Variants in CUBN observed in about 807,000 individuals in gnomAD.
CUBN encodes the protein cubilin, also known as 460 kDa receptor.
In CUBN, 282 loss-of-function variants were observed where a neutral mutation model predicts 405.3. The ratio of observed to expected loss-of-function variants is 0.70; its 90% CI spans 0.63 to 0.77. CUBN has a LOEUF of 0.77. CUBN is among the 30% of genes least tolerant of loss of function. The pLI is 0.00. For synonymous variants in CUBN, 1,684 were observed against 1,617.0 expected (o/e 1.04, Z -0.99); for missense variants, 4,514 against 4,475.2 (o/e 1.01, Z -0.25).
intron 22 of CUBN, among the ~76,000 whole-genome samples, chr10:17,050,561 T>C (rs1432665106): frequency 6.6e-6 from 1 of 152,198 alleles, no homozygotes; most frequent in Non-Finnish European, 1.5e-5. Flanking sequence ...AAGCCTGGGC[T>C]GAGAATACAT....
intron 59 of CUBN, 63 bp downstream of exon 59, chr10:16,869,573 A>T: frequency 9.1e-7 from 1 of 1,104,318 alleles, no homozygotes; most frequent in Non-Finnish European, 1.4e-6. Flanking sequence ...GGGGGCGGGG[A>T]AATTAAATAA....
intron 13 of CUBN, among the ~76,000 whole-genome samples, chr10:17,102,553 C>G (rs926060836): frequency 1.4e-5 from 2 of 147,942 alleles, no homozygotes; most frequent in African/African-American, 5.0e-5. Flanking sequence ...TCATAAAGTA[C>G]TAGGATCACA....
At chr10:17,041,420 A>G (rs1835016918) in intron 26 of CUBN, among the ~76,000 whole-genome samples, 200 bp from the exon 27 acceptor site, 1 of 152,108 alleles carries the variant, frequency 6.6e-6, no homozygotes, top group African/African-American at 2.4e-5. Flanking sequence ...TTTCATAGTG[A>G]AAGGATTTCC....
At chr10:16,946,705 G>A (rs185646024) in intron 36 of CUBN, among the ~76,000 whole-genome samples, 6 of 151,870 alleles carry the variant, frequency 4.0e-5, no homozygotes, top group South Asian at 4.2e-4. Context: ...CATGTTGGCC[G>A]GGCTGGTCTC....
intron 17 of CUBN, among the ~76,000 whole-genome samples, chr10:17,078,846 A>C (rs934059343): frequency 1.1e-4 from 16 of 152,062 alleles, no homozygotes; most frequent in Non-Finnish European, 2.1e-4. Flanking sequence ...CCTCTATTTG[A>C]CCTAGGAATT....
Position 16,915,893 on chromosome 10 carries a change from C to T in CUBN, c.7138G>A (p.Glu2380Lys). 1 of 1,614,118 alleles carries T rather than the reference C, an allele frequency of 6.2e-7. No individual in the cohort carries two copies. The highest frequency in any genetic ancestry group is 8.5e-7 in the Non-Finnish European group (1 of 1,180,008). The change falls in exon 46 of 67, where the codon GAA (glutamate) becomes AAA (lysine). Residue 2380 changes from glutamate (E) to lysine (K), a missense_variant. By Grantham distance (56) the Glu-to-Lys change is moderately conservative. Coordinates refer to ENST00000377833, the MANE Select transcript of CUBN (RefSeq NM_001081.4). Reference sequence around the variant, plus strand: ...GAAGAATTCTGAAGGTTAAAGTCTTCAAAAGAGATGGTGAGATAGTGTCCA... The same window carrying T: ...GAAGAATTCTGAAGGTTAAAGTCTTTAAAAGAGATGGTGAGATAGTGTCCA... ...LSGHYLTISFEDFNLQNSSGC... is the reference protein window; with the variant it reads ...LSGHYLTISFKDFNLQNSSGC...
chr10:16,868,242 G>C (rs1238575177), intron 59 of CUBN, among the ~76,000 whole-genome samples: 2 of 152,176 alleles, frequency 1.3e-5, no homozygotes, highest in Admixed American at 6.5e-5. Context: ...CTTGAGGTGT[G>C]TGGTTTACCG....
At chr10:16,939,172 A>T (rs1842592854) in intron 37 of CUBN, 25 bp from the exon 38 acceptor site, 1 of 1,569,070 alleles carries the variant, frequency 6.4e-7, no homozygotes, top group Non-Finnish European at 8.8e-7. Context: ...AGAGTAGTAA[A>T]TCAGACCCAC....
intron 58 of CUBN, 73 bp downstream of exon 58, chr10:16,874,301 T>G (rs946431687): frequency 3.7e-5 from 54 of 1,465,966 alleles, no homozygotes; most frequent in Non-Finnish European, 5.1e-5. Flanking sequence ...GTGCCCTCCA[T>G]CAATAAACGA....
chr10:17,093,720 T>C (rs1836314681), intron 14 of CUBN, among the ~76,000 whole-genome samples: 1 of 151,562 alleles, frequency 6.6e-6, no homozygotes. Context: ...ACAGGCAATC[T>C]CAGCAAAGCC....
intron 33 of CUBN, among the ~76,000 whole-genome samples, chr10:16,950,464 A>G (rs1842897823): frequency 6.6e-6 from 1 of 152,180 alleles, no homozygotes; most frequent in Non-Finnish European, 1.5e-5. Context: ...TTAACAATAA[A>G]ATTTTTTTAC....
Position 16,984,165 on chromosome 10 carries a change from TGAATC to T in CUBN, c.4460_4464del (p.Arg1487GlnfsTer43), listed in dbSNP as rs770921101. ...CTCCCATTTATGGACAAGTCGGTCT[TGAATC>T]GAATTGCTAGCTCATTTCCAGTGCT... On this transcript the variant is annotated frameshift_variant, in exon 30 of 67. Coordinates refer to ENST00000377833, the MANE Select transcript of CUBN (RefSeq NM_001081.4). LOFTEE classifies it high-confidence loss of function. 32 of 1,614,078 alleles carry T rather than the reference TGAATC, an allele frequency of 2.0e-5. No homozygotes were observed. Among genetic ancestry groups the T allele is most frequent in the Non-Finnish European group, 1.7e-5 (20 of 1,180,058 alleles).
rs550619948 is a variant in CUBN, at chr10:16,954,505, G to T, written c.4739C>A (p.Thr1580Lys). 1.9e-6 allele frequency: 3 copies of T among 1,613,762 alleles called. No individual in the cohort carries two copies. Among genetic ancestry groups the T allele is most frequent in the East Asian group, 4.5e-5 (2 of 44,860 alleles). Residue 1580 changes from threonine to lysine, a missense_variant, in exon 32 of 67, where the codon ACG becomes AAG. By Grantham distance (78) the Thr-to-Lys change is moderately conservative. Around this residue, in one of 5 missense-constraint regions of CUBN, gnomAD observed 1,613 missense variants for 1,542.8 expected, o/e 1.05. Transcript: ENST00000377833. The part of the protein sequence containing the change: ...LSSTMSRLAR[T>K]CGREQLANPI... ...GTTAGCCAGCTGCTCCCTTCCACACGTCCTGGCAAGGCGGGACATTGTGGA... is the reference window on the plus strand; with the variant it reads ...GTTAGCCAGCTGCTCCCTTCCACACTTCCTGGCAAGGCGGGACATTGTGGA...
Position 16,925,378 on chromosome 10 carries a change from C to T in CUBN, c.6509G>A (p.Gly2170Glu), listed in dbSNP as rs1256663893. 1.1e-5 allele frequency: 17 copies of T among 1,613,772 alleles called. No homozygotes were observed. The highest frequency in any genetic ancestry group is 1.3e-5 in the African/African-American group (1 of 74,900). ...DICSPPLGPPGGNGHFCGSHA... is the reference protein window; with the variant it reads ...DICSPPLGPPEGNGHFCGSHA... Reference sequence around the variant, plus strand: ...ACTGCCACAAAAATGACCATTTCCTCCAGGGGGTCCCAAGGGTGGAGAACA... The same window carrying T: ...ACTGCCACAAAAATGACCATTTCCTTCAGGGGGTCCCAAGGGTGGAGAACA... The change falls in exon 43 of 67, where the codon GGA becomes GAA. Residue 2170 changes from glycine (G) to glutamate (E), a missense_variant. Coordinates refer to ENST00000377833, the MANE Select transcript of CUBN (RefSeq NM_001081.4).
At chr10:16,860,493 A>C (rs955395406) in intron 59 of CUBN, among the ~76,000 whole-genome samples, 3 of 152,232 alleles carry the variant, frequency 2.0e-5, no homozygotes, top group African/African-American at 7.2e-5. Flanking sequence ...AAAAAAGAGC[A>C]AAACTCCAGC....
chr10:16,829,723 C>G (rs1027229529), intron 65 of CUBN, among the ~76,000 whole-genome samples: 6 of 152,180 alleles, frequency 3.9e-5, no homozygotes, highest in African/African-American at 1.4e-4. Context: ...AGTTACAGAG[C>G]ACGTGGCTGG....
At chr10:17,050,401 C>T (rs1161246935) in intron 22 of CUBN, among the ~76,000 whole-genome samples, 1 of 152,178 alleles carries the variant, frequency 6.6e-6, no homozygotes, top group Non-Finnish European at 1.5e-5. Flanking sequence ...AGCTGAAGTC[C>T]AAGTAGTGAA....
chr10:17,080,509 T>C (rs1835944709), intron 17 of CUBN, among the ~76,000 whole-genome samples: 1 of 152,242 alleles, frequency 6.6e-6, no homozygotes, highest in South Asian at 2.1e-4. Flanking sequence ...GCCCTTCTCT[T>C]TCTCCAGAAG....
chr10:16,835,727 A>T (rs983980909), intron 63 of CUBN, among the ~76,000 whole-genome samples: 2 of 152,058 alleles, frequency 1.3e-5, no homozygotes, highest in African/African-American at 2.4e-5. Flanking sequence ...CTGTGAAAAT[A>T]AACTTCTTAT....
Sources: gnomAD v4.1 joint callset for allele counts (sites outside exome capture counted in the v4.1 genomes callset) on GRCh38, gnomAD v4.1.1 for gene constraint, gnomAD v4.1.1 regional missense constraint, MANE v1.5 for transcripts, NCBI Gene and HGNC (gene_info 2026-07-23, HGNC 2026-07-21) for gene names.